Variants in CACNA1G observed in about 807,000 individuals in gnomAD.
CACNA1G encodes the protein voltage-dependent T-type calcium channel subunit alpha-1G.
CACNA1G carries 67 observed loss-of-function variants against 219.4 expected under a neutral mutation model. The ratio of observed to expected loss-of-function variants is 0.31; its 90% CI spans 0.25 to 0.37. The LOEUF (loss-of-function observed/expected upper bound fraction) is 0.37. Among genes scored for constraint, CACNA1G ranks in the 10% least tolerant of loss-of-function variants. CACNA1G has a pLI of 1.00. For synonymous variants in CACNA1G, 1,296 were observed against 1,345.3 expected (o/e 0.96, Z 0.80); for missense variants, 2,380 against 3,231.4 (o/e 0.74, Z 6.39).
At chr17:50,615,334 G>A in intron 26 of CACNA1G, 27 bp from the exon 27 acceptor site, 1 of 1,555,024 alleles carries the variant, frequency 6.4e-7, no homozygotes, top group Non-Finnish European at 8.8e-7. Context: ...CCTGACGCTT[G>A]CTCTGCTCTT....
In CACNA1G at chr17:50,607,985, G is replaced by GA. The variant is rs768099643; in HGVS notation, c.4673dup (p.Arg1559AlafsTer83). On this transcript the variant is annotated frameshift_variant, in exon 25 of 38. Coordinates refer to ENST00000359106, the MANE Select transcript of CACNA1G (RefSeq NM_018896.5). LOFTEE classifies it high-confidence loss of function. ...AAGAGGAGGCCCGGCGGCGGGAGGA[G>GA]AAGCGCCTACGAAGACTGGAGAAAA... The GA allele has an allele frequency of 6.2e-7, 1 of 1,612,848 alleles. No individual in the cohort carries two copies. Among genetic ancestry groups the GA allele is most frequent in the Non-Finnish European group, 8.5e-7 (1 of 1,179,434 alleles).
chr17:50,617,387 C>T lies in CACNA1G; in HGVS notation c.5022-51C>T, dbSNP rs2050817423. ...CTTTCTGTGCCACGACTGCCCCCTC[C>T]TTCAGGAACCCCCTCCCCCAACTCA... On this transcript the variant is annotated intron_variant, in intron 28 of 37. Coordinates refer to ENST00000359106, the MANE Select transcript of CACNA1G (RefSeq NM_018896.5). This position sits in a 1 kb window ranked among gnomAD's most constrained non-coding sequence, Gnocchi z 5.8. The T allele has an allele frequency of 1.8e-5, 28 of 1,575,822 alleles. No homozygotes were observed. In the Admixed American group the frequency reaches 2.4e-4, roughly 14 times the overall value.
At chr17:50,619,172 G>C (rs1348389829) in intron 33 of CACNA1G, among the ~76,000 whole-genome samples, 164 bp downstream of exon 33, 1 of 152,160 alleles carries the variant, frequency 6.6e-6, no homozygotes. Context: ...CCCTCCCCAG[G>C]GATGGCTGCC....
In CACNA1G at chr17:50,576,237, C is replaced by G; in HGVS notation, c.1835C>G (p.Ala612Gly). The G allele has an allele frequency of 6.2e-7, 1 of 1,601,308 alleles. No individual in the cohort carries two copies. Among genetic ancestry groups the G allele is most frequent in the Admixed American group, 1.7e-5 (1 of 58,638 alleles). ...GAGAAGGCACTAGTAGAGGTGGCTG[C>G]CAGCTCTGGGCCCCCAACCCTCACC... is the stretch of plus-strand genomic sequence containing the variant. ...LKEKALVEVA[A>G]SSGPPTLTSL... is the part of the protein sequence containing the mutation. Residue 612 changes from alanine (A) to glycine (G), a missense_variant, in exon 8 of 38, where the codon GCC becomes GGC. Physicochemically the swap from Ala to Gly is moderately conservative, Grantham distance 60. This residue lies in a region of CACNA1G where 434 missense variants were observed against 417.3 expected (regional missense o/e 1.04). Transcript: ENST00000359106.
intron 25 of CACNA1G, among the ~76,000 whole-genome samples, chr17:50,608,438 G>A (rs1368883843): frequency 6.6e-6 from 1 of 151,676 alleles, no homozygotes; most frequent in Non-Finnish European, 1.5e-5. Flanking sequence ...GCCGAGCAAA[G>A]CCTCAGCAGA....
chr17:50,595,060 G>A lies in CACNA1G; in HGVS notation c.2978G>A (p.Gly993Glu). The A allele has an allele frequency of 6.4e-7, 1 of 1,552,676 alleles. No individual in the cohort carries two copies. The highest frequency in any genetic ancestry group is 8.7e-7 in the Non-Finnish European group (1 of 1,147,632). ...ATTCAGCTGCCTGTCGACTCCCAGG[G>A]GGTAGGTACGCGATCATGAGCCGGC... ...SCIQLPVDSQGGDANKSESEP... is the reference protein window; with the variant it reads ...SCIQLPVDSQEGDANKSESEP... Residue 993 changes from glycine to glutamate, a missense_variant and splice_region_variant, in exon 14 of 38, where the codon GGG (glycine) becomes GAG (glutamate). Transcript: ENST00000359106.
In CACNA1G at chr17:50,618,559, AT is replaced by A. The variant is rs2051056156; in HGVS notation, c.5428-95del. 1.8e-6 allele frequency: 2 copies of A among 1,084,878 alleles called. No individual in the cohort carries two copies. The highest frequency in any genetic ancestry group is 2.1e-5 in the Admixed American group (1 of 48,772). The allele number at this position is 1,084,878 out of a possible 1,614,324, so 67.2% of individuals were successfully genotyped here. On this transcript the variant is annotated intron_variant, in intron 32 of 37. Coordinates refer to ENST00000359106, the MANE Select transcript of CACNA1G (RefSeq NM_018896.5). This position sits in a 1 kb window ranked among gnomAD's most constrained non-coding sequence, Gnocchi z 5.3. ...CTCCCTCCTCCTCCCCTTCCTTCCC[AT>A]CCTCCAATGCTCTGTGACACCAGTG... is the stretch of plus-strand genomic sequence containing the variant.
rs2041103926 is a variant in CACNA1G at position 50,578,049 on chromosome 17, A to T, written c.1925-139A>T. 3 of 961,042 alleles carry T rather than the reference A, an allele frequency of 3.1e-6. No individual in the cohort carries two copies. Among genetic ancestry groups the T allele is most frequent in the Non-Finnish European group, 4.4e-6 (3 of 682,062 alleles). The allele number at this position is 961,042 out of a possible 1,614,324, so 59.5% of individuals were successfully genotyped here. On this transcript the variant is annotated intron_variant, in intron 8 of 37. Transcript: ENST00000359106. The surrounding 1 kb of genome is among the most constrained non-coding windows in gnomAD (Gnocchi z 4.5). ...CTGCCCACCTTGCCTGACATTCAGC[A>T]CCCCTGGCCCACTAAGTGCCTAGCA...
At chr17:50,604,985 C>T (rs1052778682) in intron 22 of CACNA1G, among the ~76,000 whole-genome samples, 2 of 152,130 alleles carry the variant, frequency 1.3e-5, no homozygotes, top group Non-Finnish European at 2.9e-5. Flanking sequence ...GGGATGTCCA[C>T]TCTGCCCTGG....
intron 1 of CACNA1G, among the ~76,000 whole-genome samples, chr17:50,563,988 C>T (rs527748627): frequency 3.9e-5 from 6 of 152,160 alleles, no homozygotes; most frequent in East Asian, 3.9e-4. Context: ...GCCTCTGAGC[C>T]GGAGGGACAT....
chr17:50,625,150 C>T (rs1359807455), intron 37 of CACNA1G, among the ~76,000 whole-genome samples: 4 of 152,128 alleles, frequency 2.6e-5, no homozygotes, highest in Admixed American at 1.3e-4. Context: ...TGGGGTTTCT[C>T]CATGTTGGTC....
intron 10 of CACNA1G, 142 bp from the exon 11 acceptor site, chr17:50,591,293 G>A (rs2044280032): frequency 1.3e-6 from 1 of 760,664 alleles, no homozygotes; most frequent in African/African-American, 1.8e-5. Flanking sequence ...CTCCTGCTTA[G>A]AGGTCTGGGG....
intron 9 of CACNA1G, among the ~76,000 whole-genome samples, chr17:50,586,967 G>A (rs1432971369): frequency 6.6e-6 from 1 of 152,184 alleles, no homozygotes; most frequent in African/African-American, 2.4e-5. Flanking sequence ...ACCTCTGGGT[G>A]GGATAAGCTC....
chr17:50,594,980 C>A lies in CACNA1G; in HGVS notation c.2911-13C>A, dbSNP rs1198983888. On this transcript the variant is annotated splice_polypyrimidine_tract_variant and intron_variant, in intron 13 of 37. Coordinates refer to ENST00000359106, the MANE Select transcript of CACNA1G (RefSeq NM_018896.5). ...GACCAGCAGCCCTCCCCTGCCTCCCCCTTTCCCTGTAGGAAATCAGCAAAC... is the reference window on the plus strand; with the variant it reads ...GACCAGCAGCCCTCCCCTGCCTCCCACTTTCCCTGTAGGAAATCAGCAAAC... 6.4e-7 allele frequency: 1 copy of A among 1,552,092 alleles called. No homozygotes were observed.
chr17:50,593,578 G>A (rs1371201154), intron 13 of CACNA1G, among the ~76,000 whole-genome samples: 1 of 152,252 alleles, frequency 6.6e-6, no homozygotes, highest in Admixed American at 6.5e-5. Context: ...GTGGGAATGA[G>A]CGCAGCCTGG....
At position 50,598,274 on chromosome 17, in the gene CACNA1G, C is replaced by A. The variant is rs996942816; in HGVS notation, c.3259-1154C>A. On this transcript the variant is annotated intron_variant, in intron 16 of 37. Coordinates refer to ENST00000359106, the MANE Select transcript of CACNA1G (RefSeq NM_018896.5). ...AAATACCTGGCCTCAAGTGATCCACCTGCCTTGGCCTCCCAAAGTGCTGGG... is the reference window on the plus strand; with the variant it reads ...AAATACCTGGCCTCAAGTGATCCACATGCCTTGGCCTCCCAAAGTGCTGGG... 3.9e-5 allele frequency among the ~76,000 whole-genome samples: 6 copies of A among 152,392 alleles called. 1 individual carries two copies. In the South Asian group the frequency reaches 1.2e-3, roughly 32 times the overall value.
intron 9 of CACNA1G, among the ~76,000 whole-genome samples, chr17:50,579,525 C>T (rs1396222336): frequency 6.6e-6 from 1 of 152,156 alleles, no homozygotes; most frequent in Non-Finnish European, 1.5e-5. Flanking sequence ...GTCGCTCCCC[C>T]TCCCCCCAGT....
intron 26 of CACNA1G, among the ~76,000 whole-genome samples, chr17:50,612,389 G>A (rs1210171669): frequency 6.6e-6 from 1 of 152,254 alleles, no homozygotes; most frequent in Non-Finnish European, 1.5e-5. Flanking sequence ...CGGCTTCCCA[G>A]ATGGAGGGAG....
At chr17:50,604,070 G>A (rs1045353382) in intron 21 of CACNA1G, 85 bp from the exon 22 acceptor site, 2 of 1,433,512 alleles carry the variant, frequency 1.4e-6, no homozygotes, top group Non-Finnish European at 1.9e-6. Context: ...CAGTGGTCAA[G>A]GTTGGGGGTG....
Sources: gnomAD v4.1 joint callset for allele counts (sites outside exome capture counted in the v4.1 genomes callset) on GRCh38, gnomAD v4.1.1 for gene constraint, gnomAD v4.1.1 regional missense constraint, Gnocchi (gnomAD v3.1) non-coding constraint, MANE v1.5 for transcripts, NCBI Gene and HGNC (gene_info 2026-07-23, HGNC 2026-07-21) for gene names.